HSF4: variants seen among roughly 807,000 people sequenced by gnomAD.
The protein encoded by HSF4 is heat shock transcription factor 4, also known as heat shock factor protein 4.
In HSF4, 41 loss-of-function variants were observed where a neutral mutation model predicts 52.0. That is an observed-to-expected ratio of 0.79 (90% CI 0.61 to 1.02). HSF4 has a LOEUF of 1.02. Among genes scored for constraint, HSF4 ranks in the 50% least tolerant of loss-of-function variants. The probability of loss-of-function intolerance (pLI) is 0.00; values close to 1 mark genes in which losing one functional copy is unlikely to be tolerated. For synonymous variants in HSF4, 285 were observed against 273.0 expected, an observed-to-expected ratio of 1.04 and a Z score of -0.43; for missense variants, 610 against 651.1, an observed-to-expected ratio of 0.94 and a Z score of 0.69.
At position 67,167,499 on chromosome 16, in the gene HSF4, C is replaced by T. The variant is rs1389476961; in HGVS notation, c.754C>T (p.Leu252Phe). Residue 252 changes from leucine to phenylalanine, a missense_variant, in exon 8 of 13, where the codon CTT becomes TTT. Transcript: ENST00000521374. ...QSPLPETNLG[L>F]SPHRARGPII... The stretch of plus-strand genomic sequence containing the variant: ...GCCTCTCCCAGAGACAAATTTGGGC[C>T]TTAGCCCTCACAGGGCCAGGGGCCC... The T allele has an allele frequency of 1.2e-6, 2 of 1,613,820 alleles. No homozygotes were observed. Among genetic ancestry groups the T allele is most frequent in the Non-Finnish European group, 1.7e-6 (2 of 1,180,032 alleles).
At chr16:67,167,095 G>T (rs774892636) in intron 6 of HSF4, 25 bp from the exon 7 acceptor site, 1 of 1,614,004 alleles carries the variant, frequency 6.2e-7, no homozygotes, top group South Asian at 1.1e-5. Flanking sequence ...CCCCACCCCT[G>T]CCTGTGCCCT....
rs2031181692 is a variant in HSF4, at chr16:67,165,410, C to G, written c.124-112C>G. 1 of 1,006,332 alleles carries G rather than the reference C, an allele frequency of 9.9e-7. No homozygotes were observed. Among genetic ancestry groups the G allele is most frequent in the Middle Eastern group, 2.3e-4 (1 of 4,298 alleles). The allele number at this position is 1,006,332 out of a possible 1,614,324, so 62.3% of individuals were successfully genotyped here. On this transcript the variant is annotated intron_variant, in intron 1 of 12. Transcript: ENST00000521374. This position sits in a 1 kb window ranked among gnomAD's most constrained non-coding sequence, Gnocchi z 6.9. ...TCCCCGTAAGCGGCAGGCCTGGACC[C>G]AAGAGTGAGCATGAGTGTGTGCGCG...
rs1597247224 is a variant in HSF4, at chr16:67,169,929, T to C, written c.*144T>C. 1.3e-5 allele frequency: 10 copies of C among 748,968 alleles called. No homozygotes were observed. The highest frequency in any genetic ancestry group is 1.5e-5 in the Non-Finnish European group (7 of 457,304). The allele number at this position is 748,968 out of a possible 1,614,324, so 46.4% of individuals were successfully genotyped here. A position where few individuals can be genotyped will look rare whatever the true frequency, so the allele number is the denominator to read the frequency against. ...ACCCCGACTATCCCTGCACATAAACTCCGTTTTTTTTTTTTCTGTTTCTGG... is the reference window on the plus strand; with the variant it reads ...ACCCCGACTATCCCTGCACATAAACCCCGTTTTTTTTTTTTCTGTTTCTGG... On this transcript the variant is annotated 3_prime_UTR_variant, in exon 13 of 13. Coordinates refer to ENST00000521374, the MANE Select transcript of HSF4 (RefSeq NM_001374675.1). This position sits in a 1 kb window ranked among gnomAD's most constrained non-coding sequence, Gnocchi z 4.3.
chr16:67,167,327 C>T, intron 7 of HSF4, 105 bp downstream of exon 7: 2 of 1,608,666 alleles, frequency 1.2e-6, no homozygotes, highest in Non-Finnish European at 1.7e-6. Flanking sequence ...AGCCAGCCTT[C>T]CCCCCAACCA....
At position 67,169,480 on chromosome 16, in the gene HSF4, C is replaced by T. The variant is rs555025695; in HGVS notation, c.1324+132C>T. On this transcript the variant is annotated intron_variant, in intron 12 of 12. Coordinates refer to ENST00000521374, the MANE Select transcript of HSF4 (RefSeq NM_001374675.1). This position sits in a 1 kb window ranked among gnomAD's most constrained non-coding sequence, Gnocchi z 4.3. ...GCTGCACTGCAGAGCGTTCCTTGAGCCACCCATGCCCTCACCATTGGGCGA... is the reference window on the plus strand; with the variant it reads ...GCTGCACTGCAGAGCGTTCCTTGAGTCACCCATGCCCTCACCATTGGGCGA... 6.4e-7 allele frequency: 1 copy of T among 1,572,988 alleles called. No homozygotes were observed. The highest frequency in any genetic ancestry group is 1.3e-5 in the African/African-American group (1 of 74,146).
At chr16:67,166,114 C>T (rs1356206092) in intron 4 of HSF4, 44 bp downstream of exon 4, 6 of 1,475,830 alleles carry the variant, frequency 4.1e-6, no homozygotes, top group Non-Finnish European at 5.5e-6. Context: ...GTGGGGGGTT[C>T]GGGATGAGAC....
chr16:67,166,154 G>C, intron 4 of HSF4, 84 bp downstream of exon 4: 1 of 1,443,502 alleles, frequency 6.9e-7, no homozygotes, highest in African/African-American at 1.4e-5. Context: ...GTTCTGGGCA[G>C]CCCCTTCCTC....
At chr16:67,166,264 G>T in intron 4 of HSF4, 56 bp from the exon 5 acceptor site, 1 of 1,525,952 alleles carries the variant, frequency 6.6e-7, no homozygotes, top group East Asian at 2.3e-5. Context: ...ATTCTGTGGG[G>T]GGTGGTGACT....
chr16:67,163,875 G>GGGC, upstream of HSF4: 2 of 1,526,814 alleles, frequency 1.3e-6, no homozygotes, highest in African/African-American at 1.4e-5. Context: ...AGAGGGAACG[G>GGGC]GGGGGGTGTC....
rs757711847 is a variant in HSF4 at position 67,167,515 on chromosome 16, C to T, written c.770C>T (p.Ala257Val). The T allele has an allele frequency of 1.9e-6, 3 of 1,613,788 alleles. No homozygotes were observed. The South Asian group carries it at 3.3e-5, about 18-fold the overall frequency. ...AATTTGGGCCTTAGCCCTCACAGGG[C>T]CAGGGGCCCCATCATCTCTGACATC... ...ETNLGLSPHRARGPIISDIPE... is the reference protein window; with the variant it reads ...ETNLGLSPHRVRGPIISDIPE... Residue 257 changes from alanine (A) to valine (V), a missense_variant, in exon 8 of 13, where the codon GCC (alanine) becomes GTC (valine). By Grantham distance (64) the Ala-to-Val change is moderately conservative (BLOSUM62 0). Coordinates refer to ENST00000521374, the MANE Select transcript of HSF4 (RefSeq NM_001374675.1).
At chr16:67,167,004 G>T in intron 6 of HSF4, 116 bp from the exon 7 acceptor site, 2 of 1,394,116 alleles carry the variant, frequency 1.4e-6, no homozygotes, top group Non-Finnish European at 2.0e-6. Flanking sequence ...CCTAGCAACA[G>T]GCCTCAGCTC....
chr16:67,167,835 C>G lies in HSF4; in HGVS notation c.970C>G (p.Leu324Val), dbSNP rs766638610. The stretch of plus-strand genomic sequence containing the variant: ...CTTCTGCGTGACAGCCCCCCCGCCA[C>G]TGCCTGTGGCTGTGGTGCAGGCCAT... ...CDFCVTAPPPLPVAVVQAILE... is the reference protein window; with the variant it reads ...CDFCVTAPPPVPVAVVQAILE... The change falls in exon 9 of 13, where the codon CTG becomes GTG. Residue 324 changes from leucine to valine, a missense_variant. Coordinates refer to ENST00000521374, the MANE Select transcript of HSF4 (RefSeq NM_001374675.1). 6.2e-7 allele frequency: 1 copy of G among 1,603,704 alleles called. No homozygotes were observed. Among genetic ancestry groups the G allele is most frequent in the South Asian group, 1.1e-5 (1 of 89,728 alleles).
At chr16:67,168,681 G>T in intron 9 of HSF4, 150 bp from the exon 10 acceptor site, 1 of 668,624 alleles carries the variant, frequency 1.5e-6, no homozygotes, top group Non-Finnish European at 2.6e-6. Flanking sequence ...ATTTATGGCA[G>T]GAGTGGGGAG....
upstream of HSF4, chr16:67,163,768 C>A (rs946205002): frequency 4.4e-6 from 7 of 1,578,428 alleles, no homozygotes; most frequent in South Asian, 1.1e-5. Context: ...CGCACCTATA[C>A]CCTCAAGCTC....
upstream of HSF4, chr16:67,164,670 C>A: frequency 9.9e-7 from 1 of 1,011,980 alleles, no homozygotes; most frequent in Non-Finnish European, 1.4e-6. Flanking sequence ...AGCCCCGCCC[C>A]GCGGGCTTGC....
At chr16:67,166,993 C>T (rs779433250) in intron 6 of HSF4, 127 bp from the exon 7 acceptor site, 22 of 1,302,036 alleles carry the variant, frequency 1.7e-5, no homozygotes, top group Non-Finnish European at 2.4e-5. Flanking sequence ...GTGACTGACA[C>T]CCTAGCAACA....
rs2031252574 is a variant in HSF4 at position 67,165,984 on chromosome 16, G to A, written c.399G>A (p.Pro133=). 2.6e-6 allele frequency: 4 copies of A among 1,550,530 alleles called. No homozygotes were observed. The highest frequency in any genetic ancestry group is 3.5e-6 in the Non-Finnish European group (4 of 1,156,390). ...ALRGDDGRWR[P]EDLGRLLGEV... is the part of the protein sequence containing the mutation. ...GCGGCGACGACGGCCGCTGGCGCCC[G>A]GAGGACCTGGGTCGACTACTGGGCG... is the stretch of plus-strand genomic sequence containing the variant. Residue 133 remains proline, a synonymous_variant, in exon 4 of 13, where the codon CCG becomes CCA. Coordinates refer to ENST00000521374, the MANE Select transcript of HSF4 (RefSeq NM_001374675.1). This position sits in a 1 kb window ranked among gnomAD's most constrained non-coding sequence, Gnocchi z 6.9.
At chr16:67,168,807 C>A (rs1487091971) in intron 9 of HSF4, 24 bp from the exon 10 acceptor site, 2 of 1,591,344 alleles carry the variant, frequency 1.3e-6, no homozygotes, top group Admixed American at 1.7e-5. Context: ...ACACTGCAGG[C>A]CAAAAGCAGT....
Position 67,169,524 on chromosome 16 carries a change from T to C in HSF4, c.1325-107T>C, listed in dbSNP as rs1033711107. 31 of 1,595,952 alleles carry C rather than the reference T, an allele frequency of 1.9e-5. No individual in the cohort carries two copies. Among genetic ancestry groups the C allele is most frequent in the Non-Finnish European group, 2.5e-5 (29 of 1,177,538 alleles). ...TGGGCGAGAGTGGGGAGGTTAAGAA[T>C]GGATGTTTTATCCTAACTGAGCAGA... On this transcript the variant is annotated intron_variant, in intron 12 of 12. Coordinates refer to ENST00000521374, the MANE Select transcript of HSF4 (RefSeq NM_001374675.1). The surrounding 1 kb of genome is among the most constrained non-coding windows in gnomAD (Gnocchi z 4.3).
Sources: allele counts gnomAD v4.1 joint callset, GRCh38; gene constraint gnomAD v4.1.1; non-coding constraint Gnocchi (gnomAD v3.1); transcripts MANE v1.5; gene names NCBI Gene and HGNC (gene_info 2026-07-23, HGNC 2026-07-21).